CRB1: variants seen among roughly 807,000 people sequenced by gnomAD.
CRB1 encodes the protein protein crumbs homolog 1.
Under a neutral mutation model 120.0 loss-of-function variants are expected in CRB1, and 83 were observed. The observed-to-expected ratio is 0.69, with a 90% confidence interval of 0.58 to 0.83. The LOEUF is 0.83. Ranked by LOEUF, CRB1 falls within the 40% of genes least tolerant of loss-of-function variation. The probability of loss-of-function intolerance (pLI) is 0.00; values close to 1 mark genes in which losing one functional copy is unlikely to be tolerated. For missense variants in CRB1, 1,699 were observed against 1,687.6 expected, an observed-to-expected ratio of 1.01 and a Z score of -0.12; for synonymous variants, 625 against 612.5, an observed-to-expected ratio of 1.02 and a Z score of -0.30.
At chr1:197,305,475 T>C (rs543693595) in intron 1 of CRB1, among the ~76,000 whole-genome samples, 1 of 152,098 alleles carries the variant, frequency 6.6e-6, no homozygotes, top group East Asian at 1.9e-4. Context: ...TAAGAGTGTA[T>C]AATTAACTGT....
chr1:197,415,574 C>A (rs1412053435), intron 5 of CRB1, among the ~76,000 whole-genome samples: 1 of 150,886 alleles, frequency 6.6e-6, no homozygotes, highest in Non-Finnish European at 1.5e-5. Context: ...TTTGTTTATT[C>A]ACTTATTTAC....
At chr1:197,234,692 G>A in the CRB1 span, among the ~76,000 whole-genome samples, 1 of 152,202 alleles carries the variant, frequency 6.6e-6, no homozygotes, top group Non-Finnish European at 1.5e-5. Flanking sequence ...TAGTATAATG[G>A]TTCCAAAGAT....
intron 1 of CRB1, among the ~76,000 whole-genome samples, chr1:197,295,128 G>A (rs1352473795): frequency 6.6e-6 from 1 of 152,006 alleles, no homozygotes; most frequent in South Asian, 2.1e-4. Context: ...TAAATGATAT[G>A]TAAGAACTCT....
chr1:197,433,384 A>T (rs901969192), intron 8 of CRB1, among the ~76,000 whole-genome samples: 1 of 152,158 alleles, frequency 6.6e-6, no homozygotes, highest in Non-Finnish European at 1.5e-5. Context: ...TAGTGTTTTC[A>T]GGTCATTTGC....
intron 5 of CRB1, among the ~76,000 whole-genome samples, chr1:197,405,221 G>A (rs1031819839): frequency 6.6e-5 from 10 of 152,080 alleles, no homozygotes; most frequent in South Asian, 2.1e-4. Flanking sequence ...GATTGCAGGC[G>A]CGCGCCGCCA....
chr1:197,234,262 G>T, the CRB1 span, among the ~76,000 whole-genome samples: 6 of 152,220 alleles, frequency 3.9e-5, no homozygotes, highest in African/African-American at 1.4e-4. Context: ...GGAAAGTGGT[G>T]ATGTGCAACT....
At chr1:197,378,178 G>A (rs1021346674) in intron 5 of CRB1, among the ~76,000 whole-genome samples, 1 of 152,116 alleles carries the variant, frequency 6.6e-6, no homozygotes, top group African/African-American at 2.4e-5. Flanking sequence ...TTATGTATGG[G>A]CAAGCCATTT....
intron 5 of CRB1, among the ~76,000 whole-genome samples, chr1:197,377,598 C>A (rs1661716804): frequency 6.6e-6 from 1 of 152,130 alleles, no homozygotes; most frequent in African/African-American, 2.4e-5. Flanking sequence ...GTTTTCCATG[C>A]CACTTGACAT....
At position 197,427,630 on chromosome 1, in the gene CRB1, C is replaced by A. The variant is rs746307301; in HGVS notation, c.2305C>A (p.Arg769Ser). The A allele has an allele frequency of 6.2e-7, 1 of 1,613,890 alleles. No individual in the cohort carries two copies. The highest frequency in any genetic ancestry group is 8.5e-7 in the Non-Finnish European group (1 of 1,179,954). Reference sequence around the variant, plus strand: ...TCAATATATCCGTGTCTGGCTAGAGCGCGGCAGACTAGCAATGCTGACTCC... The same window carrying A: ...TCAATATATCCGTGTCTGGCTAGAGAGCGGCAGACTAGCAATGCTGACTCC... Reference protein sequence around the residue: ...TYQYIRVWLERGRLAMLTPNS... With the variant: ...TYQYIRVWLESGRLAMLTPNS... Residue 769 changes from arginine to serine, a missense_variant, in exon 7 of 12, where the codon CGC becomes AGC. Transcript: ENST00000367400.
intron 9 of CRB1, 75 bp downstream of exon 9, chr1:197,435,687 C>T: frequency 1.5e-6 from 2 of 1,319,276 alleles, no homozygotes; most frequent in South Asian, 1.3e-5. Context: ...AATTGGAAAG[C>T]TCTCTCCTCA....
chr1:197,351,628 A>G (rs1190520387), intron 4 of CRB1, among the ~76,000 whole-genome samples: 2 of 152,186 alleles, frequency 1.3e-5, no homozygotes, highest in African/African-American at 4.8e-5. Context: ...CAAAGAAAAT[A>G]ACACTAAAGG....
intron 1 of CRB1, among the ~76,000 whole-genome samples, chr1:197,277,107 T>C (rs1655252469): frequency 1.3e-5 from 2 of 152,062 alleles, no homozygotes; most frequent in African/African-American, 4.8e-5. Context: ...GATTTATTTT[T>C]TTAAAAAAAG....
At chr1:197,246,498 T>C in the CRB1 span, among the ~76,000 whole-genome samples, 6 of 152,002 alleles carry the variant, frequency 3.9e-5, no homozygotes, top group African/African-American at 1.4e-4. Flanking sequence ...CTGTGTCCCA[T>C]AGATGGTCTG....
intron 5 of CRB1, among the ~76,000 whole-genome samples, chr1:197,404,633 C>T (rs1558111772): frequency 6.6e-6 from 1 of 152,100 alleles, no homozygotes; most frequent in African/African-American, 2.4e-5. Context: ...TGTGTTACCT[C>T]TCATCTTTTT....
At chr1:197,470,140 A>G (rs1013472934) in intron 11 of CRB1, among the ~76,000 whole-genome samples, 8 of 152,232 alleles carry the variant, frequency 5.3e-5, no homozygotes. Flanking sequence ...TCTTCTGCCA[A>G]GTGGCAGTCT....
At chr1:197,239,733 G>C in the CRB1 span, among the ~76,000 whole-genome samples, 1 of 149,546 alleles carries the variant, frequency 6.7e-6, no homozygotes, top group African/African-American at 2.5e-5. Flanking sequence ...TTTGTTTTCT[G>C]TTTGTTTTCT....
chr1:197,418,438 C>T (rs1664114214), intron 5 of CRB1, among the ~76,000 whole-genome samples: 1 of 152,152 alleles, frequency 6.6e-6, no homozygotes, highest in African/African-American at 2.4e-5. Context: ...TAGCACTGTA[C>T]AGGTGCTGTG....
chr1:197,438,407 C>A, intron 9 of CRB1, 140 bp from the exon 10 acceptor site: 3 of 996,682 alleles, frequency 3.0e-6, no homozygotes, highest in South Asian at 1.4e-5. Context: ...CATAATGCAG[C>A]ACAATTAAGC....
intron 5 of CRB1, chr1:197,364,052 A>G (rs1218228974): frequency 1.5e-6 from 2 of 1,349,892 alleles, no homozygotes; most frequent in Non-Finnish European, 2.1e-6. Flanking sequence ...ATGCGAAAGA[A>G]TCAGGCAGAT....
Sources: gnomAD v4.1 joint callset for allele counts (sites outside exome capture counted in the v4.1 genomes callset) on GRCh38, gnomAD v4.1.1 for gene constraint, MANE v1.5 for transcripts, NCBI Gene and HGNC (gene_info 2026-07-23, HGNC 2026-07-21) for gene names.